ABCB11: variants seen among roughly 807,000 people sequenced by gnomAD.
ABCB11 encodes ATP binding cassette subfamily B member 11.
ABCB11 carries 95 observed loss-of-function variants against 148.0 expected under a neutral mutation model. That is an observed-to-expected ratio of 0.64 (90% CI 0.54 to 0.76). ABCB11 has a LOEUF of 0.76. Ranked by LOEUF, ABCB11 falls within the 30% of genes least tolerant of loss-of-function variation. ABCB11 has a pLI of 0.00. For synonymous variants in ABCB11, 591 were observed against 555.4 expected, an observed-to-expected ratio of 1.06 and a Z score of -0.90; for missense variants, 1,523 against 1,617.8, an observed-to-expected ratio of 0.94 and a Z score of 1.01.
chr2:168,973,715 C>G lies in ABCB11; in HGVS notation c.1434G>C (p.Met478Ile). The G allele has an allele frequency of 6.2e-7, 1 of 1,611,488 alleles. No homozygotes were observed. The highest frequency in any genetic ancestry group is 8.5e-7 in the Non-Finnish European group (1 of 1,178,162). The change falls in exon 13 of 28, where the codon ATG (methionine) becomes ATC (isoleucine). Residue 478 changes from methionine (M) to isoleucine (I), a missense_variant and splice_region_variant. By Grantham distance (10) the Met-to-Ile change is conservative. Coordinates refer to ENST00000650372, the MANE Select transcript of ABCB11 (RefSeq NM_003742.4). ...IQRFYDPCEG[M>I]VTVDGHDIRS... ...TGAGGAGTTTCTGGAAGACACCCAC[C>G]ATTCCTTCACAGGGGTCATAGAATC...
chr2:168,989,586 G>A (rs188352376), intron 9 of ABCB11, among the ~76,000 whole-genome samples: 12 of 152,172 alleles, frequency 7.9e-5, no homozygotes, highest in Admixed American at 5.2e-4. Flanking sequence ...ATCAGGTAAC[G>A]TGATGCCTCC....
At chr2:169,028,125 C>T (rs987413862) in intron 1 of ABCB11, among the ~76,000 whole-genome samples, 1 of 152,080 alleles carries the variant, frequency 6.6e-6, no homozygotes, top group East Asian at 1.9e-4. Context: ...CAGCTCTTTG[C>T]AGAAAATGTC....
intron 18 of ABCB11, among the ~76,000 whole-genome samples, chr2:168,959,870 A>T (rs1199344706): frequency 7.1e-6 from 1 of 141,410 alleles, no homozygotes; most frequent in Non-Finnish European, 1.5e-5. Context: ...TGCTATTGCT[A>T]TGAATAATAA....
intron 21 of ABCB11, among the ~76,000 whole-genome samples, chr2:168,938,205 C>T (rs1339545660): frequency 6.6e-6 from 1 of 152,134 alleles, no homozygotes. Flanking sequence ...TCCTTGGAGA[C>T]TAACAGGCTA....
At chr2:168,978,904 G>T (rs1045865803) in intron 11 of ABCB11, among the ~76,000 whole-genome samples, 2 of 151,870 alleles carry the variant, frequency 1.3e-5, no homozygotes, top group African/African-American at 4.8e-5. Flanking sequence ...GTTCTTAGTA[G>T]AGACAGGTTT....
At chr2:169,002,855 G>T (rs1184649831) in intron 5 of ABCB11, among the ~76,000 whole-genome samples, 1 of 152,142 alleles carries the variant, frequency 6.6e-6, no homozygotes, top group African/African-American at 2.4e-5. Context: ...TTACTGGGCT[G>T]ACTATAGTTA....
rs1366346212 is a variant in ABCB11 at position 168,971,998 on chromosome 2, T to A, written c.1487A>T (p.Asp496Val). 8 of 1,612,826 alleles carry A rather than the reference T, an allele frequency of 5.0e-6. No homozygotes were observed. The highest frequency in any genetic ancestry group is 6.8e-6 in the Non-Finnish European group (8 of 1,179,378). The change falls in exon 14 of 28, where the codon GAT becomes GTT. Residue 496 changes from aspartate to valine, a missense_variant. Physicochemically the swap from Asp to Val is radical, Grantham distance 152 (BLOSUM62 -3). Coordinates refer to ENST00000650372, the MANE Select transcript of ABCB11 (RefSeq NM_003742.4). ...CTCTTGCTCCACTATCCCAATCTGA[T>A]CTCTAAGCCACTGAATGTTAAGAGA... ...IRSLNIQWLR[D>V]QIGIVEQEPV... is the part of the protein sequence containing the mutation.
At chr2:168,985,490 C>T (rs1435693511) in intron 10 of ABCB11, among the ~76,000 whole-genome samples, 1 of 152,072 alleles carries the variant, frequency 6.6e-6, no homozygotes, top group Non-Finnish European at 1.5e-5. Flanking sequence ...AACTGTGGAA[C>T]TAGCCCAAAT....
intron 5 of ABCB11, among the ~76,000 whole-genome samples, chr2:169,004,416 T>A (rs1463048784): frequency 2.0e-5 from 3 of 152,210 alleles, no homozygotes; most frequent in African/African-American, 7.2e-5. Flanking sequence ...AACCCATGTC[T>A]TCAAACTCTG....
At chr2:168,977,743 A>G (rs982750857) in intron 11 of ABCB11, among the ~76,000 whole-genome samples, 1 of 152,180 alleles carries the variant, frequency 6.6e-6, no homozygotes, top group African/African-American at 2.4e-5. Flanking sequence ...GGGGAAGCAA[A>G]GCATGTCTTA....
rs375666502 is a variant in ABCB11 at position 169,027,360 on chromosome 2, G to A, written c.-28+3865C>T. On this transcript the variant is annotated intron_variant, in intron 1 of 27. Coordinates refer to ENST00000650372, the MANE Select transcript of ABCB11 (RefSeq NM_003742.4). Reference sequence around the variant, plus strand: ...CACACCAACTCCAGTGTTCCTCTCTGCTAAGTGACATGTGGTCTATAACCT... The same window carrying A: ...CACACCAACTCCAGTGTTCCTCTCTACTAAGTGACATGTGGTCTATAACCT... Among the ~76,000 whole-genome samples the A allele has an allele frequency of 2.9e-3, 445 of 152,284 alleles. 4 individuals are homozygous for A. The highest frequency in any genetic ancestry group is 0.01 in the Middle Eastern group (3 of 294).
rs1391253053 is a variant in ABCB11, at chr2:168,975,547, AAATACAT to A, written c.1308+1023_1308+1029del. The stretch of plus-strand genomic sequence containing the variant: ...TTTTTATATTTATAGATAAATATAT[AAATACAT>A]AAATATTTTTATATTTATAGATAAA... On this transcript the variant is annotated intron_variant, in intron 12 of 27. Transcript: ENST00000650372. Among the ~76,000 whole-genome samples, 111 of 21,336 alleles carry A rather than the reference AAATACAT, an allele frequency of 5.2e-3. 7 individuals are homozygous for A. The highest frequency in any genetic ancestry group is 0.023 in the East Asian group (7 of 300). 14.0% of individuals were successfully genotyped at this position (21,336 alleles called of 152,430 possible).
chr2:168,951,561 G>A (rs75796434), intron 19 of ABCB11, among the ~76,000 whole-genome samples: 1,998 of 151,444 alleles, frequency 0.013, 38 homozygotes, highest in African/African-American at 0.045. Flanking sequence ...ATCAATATTG[G>A]TGTATAGAAA....
intron 26 of ABCB11, among the ~76,000 whole-genome samples, chr2:168,925,527 T>A (rs1691271012): frequency 6.6e-6 from 1 of 152,196 alleles, no homozygotes; most frequent in Admixed American, 6.5e-5. Flanking sequence ...CCCACACTAT[T>A]TTTTAGATTA....
At chr2:169,022,379 GA>G (rs1381259579) in intron 1 of ABCB11, among the ~76,000 whole-genome samples, 1 of 151,928 alleles carries the variant, frequency 6.6e-6, no homozygotes, top group Non-Finnish European at 1.5e-5. Flanking sequence ...TTGAAAATGG[GA>G]AAGGTAAAAT....
At chr2:169,023,239 T>C (rs1695585862) in intron 1 of ABCB11, among the ~76,000 whole-genome samples, 1 of 152,184 alleles carries the variant, frequency 6.6e-6, no homozygotes, top group Non-Finnish European at 1.5e-5. Context: ...TAAAAAATAA[T>C]TAACAATGAA....
chr2:168,945,510 A>G (rs930287811), intron 19 of ABCB11, among the ~76,000 whole-genome samples: 2 of 151,834 alleles, frequency 1.3e-5, no homozygotes, highest in Non-Finnish European at 2.9e-5. Context: ...TAAAATGATT[A>G]AAACATTTAA....
At chr2:168,935,509 G>A (rs1162229877) in intron 22 of ABCB11, 84 bp from the exon 23 acceptor site, 2 of 1,497,316 alleles carry the variant, frequency 1.3e-6, no homozygotes, top group African/African-American at 2.8e-5. Flanking sequence ...GGATTAGATG[G>A]TGCAAATGGC....
intron 5 of ABCB11, among the ~76,000 whole-genome samples, chr2:169,011,507 G>A (rs1318038369): frequency 2.0e-5 from 3 of 152,126 alleles, no homozygotes; most frequent in Non-Finnish European, 4.4e-5. Flanking sequence ...TTAGACATTA[G>A]GGAACTTATA....
Sources: allele counts gnomAD v4.1 joint callset (sites outside exome capture counted in the v4.1 genomes callset), GRCh38; gene constraint gnomAD v4.1.1; transcripts MANE v1.5; gene names NCBI Gene and HGNC (gene_info 2026-07-23, HGNC 2026-07-21).